The following SLC35F3 variants were observed in gnomAD, a reference collection of about 807,000 sequenced individuals.
The protein encoded by SLC35F3 is putative thiamine transporter SLC35F3.
A neutral mutation model predicts 49.9 loss-of-function variants in SLC35F3; 25 were observed. The ratio of observed to expected loss-of-function variants is 0.50; its 90% CI spans 0.37 to 0.70. SLC35F3 has a LOEUF of 0.70. Among genes scored for constraint, SLC35F3 ranks in the 30% least tolerant of loss-of-function variants. The pLI is 0.00. For missense variants in SLC35F3, 525 were observed against 639.8 expected (o/e 0.82, Z 1.94); for synonymous variants, 275 against 265.4 (o/e 1.04, Z -0.35).
chr1:234,275,255 G>A (rs549020848), intron 3 of SLC35F3, among the ~76,000 whole-genome samples: 89 of 151,988 alleles, frequency 5.9e-4, no homozygotes, highest in African/African-American at 1.8e-3. Flanking sequence ...TATCAGAAAC[G>A]TAAATGGTTT....
intron 2 of SLC35F3, among the ~76,000 whole-genome samples, chr1:234,080,387 A>G (rs560812163): frequency 6.6e-6 from 1 of 152,308 alleles, no homozygotes; most frequent in African/African-American, 2.4e-5. Context: ...CCTCAGGTAT[A>G]TACCCAAGAG....
chr1:234,199,703 C>G (rs2102933874), intron 2 of SLC35F3, among the ~76,000 whole-genome samples: 1 of 152,202 alleles, frequency 6.6e-6, no homozygotes, highest in South Asian at 2.1e-4. Context: ...AATGAAGAAA[C>G]AATCCACAGA....
At chr1:234,043,147 C>G (rs968052333) in intron 2 of SLC35F3, among the ~76,000 whole-genome samples, 3 of 152,166 alleles carry the variant, frequency 2.0e-5, no homozygotes, top group African/African-American at 7.2e-5. Flanking sequence ...ATCCCTACCT[C>G]CAGCCCCATC....
chr1:234,268,163 A>C (rs377376993), intron 3 of SLC35F3, among the ~76,000 whole-genome samples: 3,168 of 151,982 alleles, frequency 0.021, 83 homozygotes, highest in African/African-American at 0.066. Flanking sequence ...AGCCTGGGCA[A>C]CATTGAGCAC....
chr1:234,275,262 G>A (rs1401112865), intron 3 of SLC35F3, among the ~76,000 whole-genome samples: 1 of 151,550 alleles, frequency 6.6e-6, no homozygotes, highest in Non-Finnish European at 1.5e-5. Context: ...AACGTAAATG[G>A]TTTTCTTGTT....
chr1:234,235,716 G>A (rs771994554), intron 3 of SLC35F3, among the ~76,000 whole-genome samples: 24 of 152,208 alleles, frequency 1.6e-4, no homozygotes, highest in Non-Finnish European at 2.6e-4. Context: ...TCTGCCTTTT[G>A]TAGTTCCAGG....
chr1:233,906,118 C>T (rs1426595040), intron 2 of SLC35F3, among the ~76,000 whole-genome samples: 1 of 152,252 alleles, frequency 6.6e-6, no homozygotes, highest in Non-Finnish European at 1.5e-5. Context: ...GAAAGTCTCA[C>T]AGGGCCCTCG....
intron 2 of SLC35F3, among the ~76,000 whole-genome samples, chr1:234,158,975 GT>G (rs376353839): frequency 4.0e-4 from 61 of 152,154 alleles, no homozygotes; most frequent in African/African-American, 1.4e-3. Flanking sequence ...GATATTTAGA[GT>G]TTTTTGTTGA....
At position 234,316,736 on chromosome 1, in the gene SLC35F3, G is replaced by A. The variant is rs376510582; in HGVS notation, c.954+9G>A. 271 of 1,593,096 alleles carry A rather than the reference G, an allele frequency of 1.7e-4. No homozygotes were observed. Among genetic ancestry groups the A allele is most frequent in the Middle Eastern group, 3.3e-4 (2 of 6,028 alleles). On this transcript the variant is annotated intron_variant, in intron 5 of 7. Coordinates refer to ENST00000366618, the MANE Select transcript of SLC35F3 (RefSeq NM_173508.4). ...TGTCTGCCCTCTACAAGGTACGCCC[G>A]GGGAGTGAACTTTCTCAGCTGGCTG...
At chr1:234,314,630 G>A (rs187357441) in intron 4 of SLC35F3, among the ~76,000 whole-genome samples, 11 of 152,202 alleles carry the variant, frequency 7.2e-5, no homozygotes, top group South Asian at 2.1e-4. Flanking sequence ...GTGTGGTGGC[G>A]GGCACCTGTA....
chr1:233,923,682 A>G (rs988331623), intron 2 of SLC35F3, among the ~76,000 whole-genome samples: 6 of 152,088 alleles, frequency 3.9e-5, no homozygotes, highest in Admixed American at 1.3e-4. Flanking sequence ...TTCCAACACT[A>G]TGTTGAATAG....
chr1:233,955,420 A>G (rs891080230), intron 2 of SLC35F3, among the ~76,000 whole-genome samples: 1 of 152,102 alleles, frequency 6.6e-6, no homozygotes, highest in African/African-American at 2.4e-5. Flanking sequence ...CTCTCTGCTC[A>G]TCTTGGCCGG....
intron 2 of SLC35F3, among the ~76,000 whole-genome samples, chr1:233,968,523 T>A (rs1249457910): frequency 6.6e-6 from 1 of 151,980 alleles, no homozygotes; most frequent in Non-Finnish European, 1.5e-5. Context: ...AGTTTCACTC[T>A]GTCACCCATG....
intron 2 of SLC35F3, among the ~76,000 whole-genome samples, chr1:234,074,258 C>G (rs1252972125): frequency 6.6e-6 from 1 of 152,166 alleles, no homozygotes; most frequent in East Asian, 1.9e-4. Context: ...GTCCTGTTCT[C>G]TTTTCATTAC....
chr1:234,292,062 T>C (rs184912566), intron 3 of SLC35F3, among the ~76,000 whole-genome samples: 172 of 152,328 alleles, frequency 1.1e-3, no homozygotes, highest in Non-Finnish European at 2.1e-3. Context: ...GGTGGTAGCA[T>C]GTGCTTCTGC....
intron 3 of SLC35F3, chr1:234,285,422 G>A (rs145453786): frequency 2.0e-4 from 91 of 449,750 alleles, no homozygotes; most frequent in African/African-American, 1.4e-3. Context: ...ATGACGTTGA[G>A]CTTGTTTCCA....
intron 2 of SLC35F3, among the ~76,000 whole-genome samples, chr1:234,220,797 G>A (rs1488930071): frequency 6.6e-6 from 1 of 152,206 alleles, no homozygotes; most frequent in Non-Finnish European, 1.5e-5. Context: ...GCCATTAGCA[G>A]TAACAGTGAA....
rs374948535 is a variant in SLC35F3 at position 234,185,912 on chromosome 1, C to T, written c.284-45505C>T. On this transcript the variant is annotated intron_variant, in intron 2 of 7. Coordinates refer to ENST00000366618, the MANE Select transcript of SLC35F3 (RefSeq NM_173508.4). ...TTCTAACCATTTTTTTATCATCACT[C>T]TCTTTGAGCAACTCATGATGTCCTG... Among the ~76,000 whole-genome samples, 9 of 152,322 alleles carry T rather than the reference C, an allele frequency of 5.9e-5. No homozygotes were observed. The South Asian group carries it at 1.9e-3, about 32-fold the overall frequency.
intron 2 of SLC35F3, among the ~76,000 whole-genome samples, chr1:234,108,225 TATATATATTTATATATATAAAAG>T (rs1665315289): frequency 8.0e-6 from 1 of 124,652 alleles, no homozygotes; most frequent in Non-Finnish European, 1.6e-5. Context: ...ATATAAAAGA[TATATATATTTATATATATAAAAG>T]ATATATATAT....
Sources: gnomAD v4.1 joint callset for allele counts (sites outside exome capture counted in the v4.1 genomes callset) on GRCh38, gnomAD v4.1.1 for gene constraint, MANE v1.5 for transcripts, NCBI Gene and HGNC (gene_info 2026-07-23, HGNC 2026-07-21) for gene names.